Variants in OGG1 observed in about 807,000 individuals in gnomAD.
The protein encoded by OGG1 is 8-oxoguanine DNA glycosylase.
OGG1 carries 35 observed loss-of-function variants against 42.3 expected under a neutral mutation model. That is an observed-to-expected ratio of 0.83 (90% CI 0.63 to 1.10). OGG1 has a LOEUF of 1.10. Among genes scored for constraint, OGG1 ranks in the 50% least tolerant of loss-of-function variants. OGG1 has a pLI of 0.00. For synonymous variants in OGG1, 189 were observed against 179.0 expected (o/e 1.06, Z -0.44); for missense variants, 484 against 446.7 (o/e 1.08, Z -0.75).
rs2077218932 is a variant in OGG1 at position 9,749,989 on chromosome 3, A to G, written c.-298A>G. On this transcript the variant is annotated 5_prime_UTR_variant, in exon 1 of 7. Coordinates refer to ENST00000344629, the MANE Select transcript of OGG1 (RefSeq NM_002542.6). ...GTCTGCCCCTGGAGAACCCAGAAGA[A>G]CACAGCTGTGCGCGCCCACAGGCTC... 4.3e-6 allele frequency: 2 copies of G among 460,958 alleles called. No individual in the cohort carries two copies. Among genetic ancestry groups the G allele is most frequent in the South Asian group, 5.7e-5 (2 of 35,050 alleles). 28.6% of individuals were successfully genotyped at this position (460,958 alleles called of 1,614,324 possible). A position where few individuals can be genotyped will look rare whatever the true frequency, so the allele number is the denominator to read the frequency against.
At chr3:9,750,785 ATTT>A in intron 1 of OGG1, 157 bp from the exon 2 acceptor site, 1 of 943,780 alleles carries the variant, frequency 1.1e-6, no homozygotes, top group South Asian at 1.5e-5. Context: ...AAATTTTTGT[ATTT>A]TTTGTAGAGG....
downstream of OGG1, chr3:9,760,888 C>T (rs994328444): frequency 1.1e-5 from 16 of 1,424,560 alleles, no homozygotes; most frequent in East Asian, 3.5e-4. Flanking sequence ...CCTTTATAAA[C>T]TCTACCAGCC....
At chr3:9,776,199 T>C (rs1278492249) in intron 2 of OGG1, among the ~76,000 whole-genome samples, 25 of 152,044 alleles carry the variant, frequency 1.6e-4, no homozygotes, top group Non-Finnish European at 1.5e-5. Flanking sequence ...TTCTTACTTC[T>C]CTCTAAGCAG....
intron 3 of OGG1, chr3:9,783,788 A>T: frequency 1.5e-6 from 1 of 686,748 alleles, no homozygotes; most frequent in Non-Finnish European, 2.1e-6. Flanking sequence ...AAAAAAAAAC[A>T]AAACAAAAAC....
intron 2 of OGG1, among the ~76,000 whole-genome samples, chr3:9,776,772 A>G (rs969677386): frequency 6.6e-6 from 1 of 152,178 alleles, no homozygotes; most frequent in Non-Finnish European, 1.5e-5. Context: ...AGTCACCTCC[A>G]TAGCTCTCAG....
chr3:9,786,960 A>G, intron 3 of OGG1: 2 of 1,534,234 alleles, frequency 1.3e-6, no homozygotes, highest in South Asian at 2.3e-5. Flanking sequence ...ATAACACATT[A>G]AAACACAAAG....
chr3:9,783,183 A>T (rs1226394635), intron 3 of OGG1: 4 of 152,234 alleles, frequency 2.6e-5, no homozygotes, highest in African/African-American at 9.6e-5. Context: ...TTCTGTGTGT[A>T]TCAAATTTTT....
rs754929964 is a variant in OGG1, at chr3:9,754,716, A to G, written c.578A>G (p.Glu193Gly). 2.3e-5 allele frequency: 37 copies of G among 1,614,050 alleles called. No homozygotes were observed. The highest frequency in any genetic ancestry group is 1.0e-4 in the Admixed American group (6 of 60,006). ...SLQALAGPEVEAHLRKLGLGY... is the reference protein window; with the variant it reads ...SLQALAGPEVGAHLRKLGLGY... ...TCACTCCCCGCAGGGCCAGAGGTGGAGGCTCATCTCAGGAAGCTGGGCCTG... is the reference window on the plus strand; with the variant it reads ...TCACTCCCCGCAGGGCCAGAGGTGGGGGCTCATCTCAGGAAGCTGGGCCTG... Residue 193 changes from glutamate to glycine, a missense_variant, in exon 4 of 7, where the codon GAG becomes GGG. Transcript: ENST00000344629.
chr3:9,771,451 G>A (rs1046668659), downstream of OGG1, among the ~76,000 whole-genome samples: 2 of 152,084 alleles, frequency 1.3e-5, no homozygotes, highest in Non-Finnish European at 2.9e-5. Context: ...CGGGAACATG[G>A]GAATATTGAA....
intron 7 of OGG1, among the ~76,000 whole-genome samples, chr3:9,763,687 C>A (rs1559700978): frequency 1.3e-5 from 2 of 152,134 alleles, no homozygotes; most frequent in Non-Finnish European, 2.9e-5. Flanking sequence ...CTGATACATA[C>A]CTCTTAAGAG....
intron 7 of OGG1, chr3:9,765,700 A>G: frequency 6.4e-7 from 1 of 1,574,556 alleles, no homozygotes; most frequent in Non-Finnish European, 8.7e-7. Flanking sequence ...GGAAAGGAGG[A>G]GGATGGGAGG....
chr3:9,757,726 C>T (rs56094164), downstream of OGG1: 589 of 1,614,152 alleles, frequency 3.6e-4, 6 homozygotes, highest in African/African-American at 7.1e-3. The surrounding 1 kb of genome is among the most constrained non-coding windows in gnomAD (Gnocchi z 4.5). Flanking sequence ...GCCCGCTCCT[C>T]ACCCCCAGCC....
intron 3 of OGG1, among the ~76,000 whole-genome samples, chr3:9,781,833 CTTTTT>C (rs35246642): frequency 1.0e-4 from 9 of 86,868 alleles, no homozygotes; most frequent in African/African-American, 3.0e-4. Context: ...CCCATTACTT[CTTTTT>C]TTTTTTTTTT....
At chr3:9,780,164 G>T in intron 2 of OGG1, 1 of 540,858 alleles carries the variant, frequency 1.8e-6, no homozygotes, top group Non-Finnish European at 3.2e-6. Flanking sequence ...CCTCAGGCTA[G>T]CCCAGCAGGG....
Position 9,751,021 on chromosome 3 carries a change from C to T in OGG1, c.214C>T (p.Gln72Ter), listed in dbSNP as rs2077276544. 1 of 1,613,814 alleles carries T rather than the reference C, an allele frequency of 6.2e-7. No homozygotes were observed. The highest frequency in any genetic ancestry group is 8.5e-7 in the Non-Finnish European group (1 of 1,179,890). The change falls in exon 2 of 7, where the codon CAG (glutamine) becomes TAG (stop). Residue 72 changes from glutamine to a stop codon, truncating the protein, a stop_gained. Transcript: ENST00000344629. LOFTEE classifies it high-confidence loss of function. ...QVWTLTQTEEQLHCTVYRGDK... is the reference protein window; with the variant it reads ...QVWTLTQTEE Reference sequence around the variant, plus strand: ...ATGGACACTGACTCAGACTGAGGAGCAGCTCCACTGCACTGTGTACCGAGG... The same window carrying T: ...ATGGACACTGACTCAGACTGAGGAGTAGCTCCACTGCACTGTGTACCGAGG...
chr3:9,762,625 A>G (rs930386056), intron 7 of OGG1, among the ~76,000 whole-genome samples: 3 of 151,670 alleles, frequency 2.0e-5, no homozygotes, highest in East Asian at 1.9e-4. Context: ...TCTGCCTCCT[A>G]AAGTGCTGGG....
chr3:9,780,553 T>TG (rs1385186594), intron 2 of OGG1: 1 of 1,599,686 alleles, frequency 6.3e-7, no homozygotes, highest in Non-Finnish European at 8.5e-7. Context: ...TGCCAGCCTG[T>TG]GGGGACCAGC....
chr3:9,759,052 C>T, downstream of OGG1: 1 of 779,236 alleles, frequency 1.3e-6, no homozygotes, highest in Non-Finnish European at 2.3e-6. Flanking sequence ...GGCCCCTTAC[C>T]TGCTTCTCTA....
downstream of OGG1, chr3:9,757,859 G>A: frequency 6.3e-7 from 1 of 1,595,512 alleles, no homozygotes; most frequent in Non-Finnish European, 8.6e-7. The surrounding 1 kb of genome is among the most constrained non-coding windows in gnomAD (Gnocchi z 4.5). Flanking sequence ...GGCATTGAAG[G>A]CATTGAAGGG....
Sources: allele counts gnomAD v4.1 joint callset (sites outside exome capture counted in the v4.1 genomes callset), GRCh38; gene constraint gnomAD v4.1.1; non-coding constraint Gnocchi (gnomAD v3.1); transcripts MANE v1.5; gene names NCBI Gene and HGNC (gene_info 2026-07-23, HGNC 2026-07-21).